FRMPD4: variants seen among roughly 807,000 people sequenced by gnomAD.
FRMPD4 encodes the protein FERM and PDZ domain containing 4, also known as FERM and PDZ domain-containing protein 4.
A neutral mutation model predicts 94.1 loss-of-function variants in FRMPD4; 22 were observed. That is an observed-to-expected ratio of 0.23 (90% confidence interval 0.17 to 0.33). The LOEUF (loss-of-function observed/expected upper bound fraction) is 0.33. Among genes scored for constraint, FRMPD4 ranks in the 10% least tolerant of loss-of-function variants. The pLI, the probability that FRMPD4 is intolerant of heterozygous loss-of-function variation, is 1.00. For missense variants in FRMPD4, 1,111 were observed against 1,339.9 expected (o/e 0.83, Z 2.67); for synonymous variants, 631 against 548.6 (o/e 1.15, Z -2.10).
intron 2 of FRMPD4, among the ~76,000 whole-genome samples, chrX:12,557,154 C>T (rs2058604042): frequency 9.0e-6 from 1 of 111,683 alleles, no homozygotes; most frequent in Non-Finnish European, 1.9e-5. Flanking sequence ...AGAGTGATTA[C>T]CCCAACCCTC....
chrX:12,077,194 G>A (rs1014810579), intron 3 of FRMPD4, among the ~76,000 whole-genome samples: 1 of 111,719 alleles, frequency 9.0e-6, no homozygotes, highest in Admixed American at 9.5e-5. Flanking sequence ...CTCCTCCATC[G>A]CAAATTTACT....
At chrX:12,594,041 T>C (rs904542270) in intron 2 of FRMPD4, among the ~76,000 whole-genome samples, 3 of 111,974 alleles carry the variant, frequency 2.7e-5, no homozygotes, top group African/African-American at 9.7e-5. Flanking sequence ...TACTTCATTT[T>C]TTTTTTAATT....
intron 9 of FRMPD4, among the ~76,000 whole-genome samples, chrX:12,696,515 G>A (rs1444528838): frequency 2.0e-5 from 2 of 97,773 alleles, no homozygotes; most frequent in African/African-American, 3.9e-5. Context: ...CTAACTACTC[G>A]AAGAGGTTGC....
chrX:12,553,605 C>G (rs748957012), intron 2 of FRMPD4, among the ~76,000 whole-genome samples: 1 of 107,539 alleles, frequency 9.3e-6, no homozygotes, highest in Admixed American at 1.0e-4. Context: ...CCACCCCAGC[C>G]AAAGCTGTAG....
intron 4 of FRMPD4, among the ~76,000 whole-genome samples, chrX:12,628,668 C>CA: frequency 8.9e-6 from 1 of 112,805 alleles, no homozygotes; most frequent in Non-Finnish European, 1.9e-5. Context: ...TCTGAAAAGA[C>CA]AGGGAGCATG....
intron 14 of FRMPD4, among the ~76,000 whole-genome samples, chrX:12,712,576 C>A (rs1462710191): frequency 9.0e-6 from 1 of 110,514 alleles, no homozygotes; most frequent in African/African-American, 3.3e-5. Context: ...TAAATTAGAA[C>A]GTGATAGAAA....
intron 2 of FRMPD4, among the ~76,000 whole-genome samples, chrX:12,578,584 TTG>T (rs1397419306): frequency 2.7e-5 from 3 of 111,891 alleles, no homozygotes; most frequent in South Asian, 3.7e-4. Flanking sequence ...TATAGTGTGT[TTG>T]TGTGTTTATG....
At chrX:12,066,877 G>GT (rs748986990) in intron 3 of FRMPD4, among the ~76,000 whole-genome samples, 3,332 of 97,300 alleles carry the variant, frequency 0.034, 73 homozygotes, top group Non-Finnish European at 0.047. Context: ...TTTTGTTTTT[G>GT]TTTTTTTTTT....
intron 2 of FRMPD4, among the ~76,000 whole-genome samples, chrX:12,559,405 T>G (rs755220079): frequency 9.0e-5 from 10 of 111,630 alleles, no homozygotes; most frequent in African/African-American, 2.9e-4. Flanking sequence ...ATTCCTGCAC[T>G]TTGGGTGGTC....
intron 1 of FRMPD4, among the ~76,000 whole-genome samples, chrX:12,277,039 T>C (rs1412928865): frequency 1.0e-5 from 1 of 99,083 alleles, no homozygotes; most frequent in Non-Finnish European, 2.0e-5. Flanking sequence ...GAGAATGGCG[T>C]GAACCCGGGA....
chrX:11,992,105 T>C (rs2054467724), intron 3 of FRMPD4, among the ~76,000 whole-genome samples: 1 of 106,756 alleles, frequency 9.4e-6, no homozygotes, highest in African/African-American at 3.4e-5. Flanking sequence ...AGTGCTATAA[T>C]AGGCTTTTGT....
chrX:11,935,095 T>TTAA lies in FRMPD4; in HGVS notation c.95+57077_95+57078insTAA, dbSNP rs869047289. 3.4e-3 allele frequency among the ~76,000 whole-genome samples: 165 copies of TTAA among 48,992 alleles called. 2 individuals are homozygous for TTAA. The highest frequency in any genetic ancestry group is 9.6e-3 in the African/African-American group (161 of 16,802). 42.5% of individuals were successfully genotyped at this position (48,992 alleles called of 115,157 possible). A position where few individuals can be genotyped will look rare whatever the true frequency, so the allele number is the denominator to read the frequency against. ...TGATTTTTTTTTTTTTTTTTTTTTT[T>TTAA]AAATTTAACAGCTTTATTGAGGTGT... On this transcript the variant is annotated intron_variant, in intron 3 of 18. Coordinates refer to the FRMPD4 transcript ENST00000640291.
chrX:12,535,098 G>T (rs181756144), intron 2 of FRMPD4, among the ~76,000 whole-genome samples: 1 of 111,613 alleles, frequency 9.0e-6, no homozygotes, highest in African/African-American at 3.3e-5. Context: ...AGTCTCACAA[G>T]ATCTGTGAAT....
intron 1 of FRMPD4, among the ~76,000 whole-genome samples, chrX:11,827,556 T>C (rs1254640378): frequency 9.0e-6 from 1 of 111,296 alleles, no homozygotes; most frequent in East Asian, 2.8e-4. Context: ...TAAGAAGATA[T>C]GTAGTAGTCC....
chrX:12,037,931 G>C (rs1156510666), intron 3 of FRMPD4, among the ~76,000 whole-genome samples: 2 of 111,811 alleles, frequency 1.8e-5, no homozygotes, highest in Non-Finnish European at 3.8e-5. Context: ...TCTATGATGA[G>C]TTTCAGCCAG....
chrX:12,326,427 A>G (rs1163017705), intron 1 of FRMPD4, among the ~76,000 whole-genome samples: 1 of 111,670 alleles, frequency 9.0e-6, no homozygotes, highest in Non-Finnish European at 1.9e-5. Flanking sequence ...ATTGTAAGGT[A>G]TGTAACAGGA....
At chrX:11,904,047 C>T (rs2053953701) in intron 3 of FRMPD4, among the ~76,000 whole-genome samples, 1 of 111,737 alleles carries the variant, frequency 8.9e-6, no homozygotes, top group Non-Finnish European at 1.9e-5. Flanking sequence ...TCGCAAAGTG[C>T]TGGGATTATA....
chrX:12,059,816 G>A (rs1271444882), intron 3 of FRMPD4, among the ~76,000 whole-genome samples: 1 of 111,439 alleles, frequency 9.0e-6, no homozygotes, highest in African/African-American at 3.3e-5. Flanking sequence ...GGGTGGTATT[G>A]CATAGTGTAT....
chrX:12,346,897 G>A (rs1452431432), intron 1 of FRMPD4, among the ~76,000 whole-genome samples: 1 of 112,159 alleles, frequency 8.9e-6, no homozygotes, highest in Non-Finnish European at 1.9e-5. Flanking sequence ...ATGAAATTAT[G>A]TGGAATCTAT....
Sources: gnomAD v4.1 joint callset for allele counts (sites outside exome capture counted in the v4.1 genomes callset) on GRCh38, gnomAD v4.1.1 for gene constraint, MANE v1.5 for transcripts, NCBI Gene and HGNC (gene_info 2026-07-23, HGNC 2026-07-21) for gene names.